MYO1D: variants seen among roughly 807,000 people sequenced by gnomAD.
MYO1D encodes myosin ID.
In MYO1D, 83 loss-of-function variants were observed where a neutral mutation model predicts 122.0. The ratio of observed to expected loss-of-function variants is 0.68; its 90% CI spans 0.57 to 0.82. The LOEUF (loss-of-function observed/expected upper bound fraction) is 0.82. Ranked by LOEUF, MYO1D falls within the 40% of genes least tolerant of loss-of-function variation. The probability of loss-of-function intolerance (pLI) is 0.00; values close to 1 mark genes in which losing one functional copy is unlikely to be tolerated. For missense variants in MYO1D, 1,157 were observed against 1,269.5 expected (o/e 0.91, Z 1.35); for synonymous variants, 464 against 446.9 (o/e 1.04, Z -0.48).
intron 11 of MYO1D, 53 bp downstream of exon 11, chr17:32,755,436 AAAC>A: frequency 6.5e-7 from 1 of 1,547,562 alleles, no homozygotes; most frequent in South Asian, 1.2e-5. Flanking sequence ...GAACTCCATC[AAAC>A]AATAAGGAGA....
At chr17:32,548,676 T>C (rs987554103) in intron 21 of MYO1D, among the ~76,000 whole-genome samples, 1 of 151,970 alleles carries the variant, frequency 6.6e-6, no homozygotes, top group Middle Eastern at 3.2e-3. Flanking sequence ...TGACTTCTTA[T>C]TCAGTACCAC....
In MYO1D at chr17:32,683,761, A is replaced by G. The variant is rs368871602; in HGVS notation, c.2122-24423T>C. Among the ~76,000 whole-genome samples the G allele has an allele frequency of 2.4e-4, 37 of 152,170 alleles. No homozygotes were observed. In the South Asian group the frequency reaches 5.0e-3, roughly 20 times the overall value. ...TACAGTGGCAGGCAGGCCTCCTTGAACTGTGGTGGGCTCCACCCAGGAGCT... is the reference window on the plus strand; with the variant it reads ...TACAGTGGCAGGCAGGCCTCCTTGAGCTGTGGTGGGCTCCACCCAGGAGCT... On this transcript the variant is annotated intron_variant, in intron 16 of 21. Transcript: ENST00000318217.
intron 21 of MYO1D, among the ~76,000 whole-genome samples, chr17:32,549,712 C>T (rs2086994433): frequency 1.3e-5 from 2 of 152,140 alleles, no homozygotes; most frequent in East Asian, 1.9e-4. Flanking sequence ...TATGCAAATA[C>T]CAATGACCTG....
chr17:32,676,564 G>A (rs1226078288), intron 16 of MYO1D, among the ~76,000 whole-genome samples: 3 of 152,042 alleles, frequency 2.0e-5, no homozygotes, highest in African/African-American at 7.2e-5. Flanking sequence ...TCCTGTCTGA[G>A]AGAATGTCCA....
intron 21 of MYO1D, among the ~76,000 whole-genome samples, chr17:32,547,972 C>A (rs931993410): frequency 6.6e-6 from 1 of 150,982 alleles, no homozygotes; most frequent in Non-Finnish European, 1.5e-5. Context: ...AAATTCACTA[C>A]GGAGAGTGGT....
Position 32,774,121 on chromosome 17 carries a change from G to A in MYO1D, c.565-1279C>T, listed in dbSNP as rs763920874. ...CACACCCGATCTGGCTTACAGTTTC[G>A]TTCCATGACTAGCCTTCCCCCACCT... On this transcript the variant is annotated intron_variant, in intron 4 of 21. Transcript: ENST00000318217. Among the ~76,000 whole-genome samples the A allele has an allele frequency of 3.9e-5, 6 of 152,108 alleles. No homozygotes were observed. The East Asian group carries it at 1.2e-3, about 29-fold the overall frequency.
chr17:32,573,840 TC>T (rs1365877966), intron 21 of MYO1D, among the ~76,000 whole-genome samples: 3 of 149,806 alleles, frequency 2.0e-5, no homozygotes, highest in African/African-American at 7.4e-5. Context: ...CCATATTTTA[TC>T]CCTTGTTTAT....
chr17:32,811,530 C>A (rs551046921), intron 1 of MYO1D, among the ~76,000 whole-genome samples: 1 of 150,356 alleles, frequency 6.7e-6, no homozygotes, highest in East Asian at 2.0e-4. Flanking sequence ...ATTTTTATAT[C>A]TTTTACTTCT....
intron 20 of MYO1D, among the ~76,000 whole-genome samples, chr17:32,631,868 T>C (rs796125112): frequency 4.4e-4 from 67 of 152,000 alleles, no homozygotes; most frequent in African/African-American, 1.5e-3. Flanking sequence ...TTAGTGAATA[T>C]AGGGGTGGGG....
chr17:32,759,860 C>T (rs2089981971), intron 10 of MYO1D: 2 of 421,982 alleles, frequency 4.7e-6, no homozygotes, highest in Non-Finnish European at 8.4e-6. Flanking sequence ...AGAATATAAA[C>T]AACATTAACT....
At chr17:32,545,355 C>T (rs2086957276) in intron 21 of MYO1D, among the ~76,000 whole-genome samples, 1 of 152,218 alleles carries the variant, frequency 6.6e-6, no homozygotes, top group African/African-American at 2.4e-5. Flanking sequence ...TCAGTGGCAG[C>T]ACCCAGGAAA....
chr17:32,691,288 T>A (rs943828534), intron 16 of MYO1D, among the ~76,000 whole-genome samples: 1 of 151,784 alleles, frequency 6.6e-6, no homozygotes, highest in Non-Finnish European at 1.5e-5. Flanking sequence ...ACTTATTTCT[T>A]CTATCTTACT....
chr17:32,622,882 G>T (rs1567914516), intron 20 of MYO1D, among the ~76,000 whole-genome samples: 1 of 152,182 alleles, frequency 6.6e-6, no homozygotes, highest in Non-Finnish European at 1.5e-5. Context: ...TTAAAATGGG[G>T]CATGAATTCA....
intron 21 of MYO1D, among the ~76,000 whole-genome samples, chr17:32,567,870 G>A (rs972461923): frequency 2.0e-5 from 3 of 152,136 alleles, no homozygotes; most frequent in Admixed American, 6.6e-5. Flanking sequence ...CAGTCTCCAC[G>A]TCCAATTAAC....
At chr17:32,577,206 G>A (rs2087286986) in intron 21 of MYO1D, among the ~76,000 whole-genome samples, 1 of 141,774 alleles carries the variant, frequency 7.1e-6, no homozygotes, top group Non-Finnish European at 1.6e-5. Context: ...AGCCGACATC[G>A]CACCATTGCA....
chr17:32,744,635 A>C (rs1300910629), intron 13 of MYO1D, among the ~76,000 whole-genome samples: 4 of 152,228 alleles, frequency 2.6e-5, no homozygotes, highest in African/African-American at 9.6e-5. Context: ...ATGACCAGGA[A>C]TCCTCTTTCT....
intron 16 of MYO1D, among the ~76,000 whole-genome samples, chr17:32,683,584 A>C (rs1200479759): frequency 6.6e-6 from 1 of 151,880 alleles, no homozygotes; most frequent in East Asian, 1.9e-4. Flanking sequence ...TCAGGGACCC[A>C]CTTGAGGAGG....
chr17:32,859,834 C>T (rs1002415232), intron 1 of MYO1D, among the ~76,000 whole-genome samples: 1 of 152,142 alleles, frequency 6.6e-6, no homozygotes, highest in Non-Finnish European at 1.5e-5. Flanking sequence ...ATCCAATATC[C>T]TATTCTGCCC....
intron 15 of MYO1D, among the ~76,000 whole-genome samples, chr17:32,717,052 A>C (rs1243717720): frequency 6.6e-6 from 1 of 152,246 alleles, no homozygotes; most frequent in Non-Finnish European, 1.5e-5. Flanking sequence ...AGAATCTAAA[A>C]GCAAAAATTC....
Sources: gnomAD v4.1 joint callset for allele counts (sites outside exome capture counted in the v4.1 genomes callset) on GRCh38, gnomAD v4.1.1 for gene constraint, MANE v1.5 for transcripts, NCBI Gene and HGNC (gene_info 2026-07-23, HGNC 2026-07-21) for gene names.